SGK1: variants seen among roughly 807,000 people sequenced by gnomAD.
SGK1 encodes serum/glucocorticoid regulated kinase 1.
A neutral mutation model predicts 64.2 loss-of-function variants in SGK1; 26 were observed. That is an observed-to-expected ratio of 0.40 (90% confidence interval 0.30 to 0.56). The LOEUF (loss-of-function observed/expected upper bound fraction) is 0.56, where lower values mean the gene tolerates loss of function less well. Ranked by LOEUF, SGK1 falls within the 20% of genes least tolerant of loss-of-function variation. The pLI, the probability that SGK1 is intolerant of heterozygous loss-of-function variation, is 0.38. For missense variants in SGK1, 519 were observed against 645.6 expected (o/e 0.80, Z 2.12); for synonymous variants, 265 against 239.7 (o/e 1.11, Z -0.98).
intron 5 of SGK1, 59 bp downstream of exon 5, chr6:134,173,946 G>A (rs1582685044): frequency 4.3e-6 from 5 of 1,153,552 alleles, no homozygotes; most frequent in East Asian, 2.4e-5. Context: ...ATTAATGTAG[G>A]AATACTAACT....
intron 1 of SGK1, among the ~76,000 whole-genome samples, chr6:134,282,781 G>A (rs1014333324): frequency 2.6e-5 from 4 of 151,752 alleles, no homozygotes; most frequent in Non-Finnish European, 5.9e-5. Flanking sequence ...CAAGACTGCA[G>A]CCTAAGACTT....
intron 1 of SGK1, among the ~76,000 whole-genome samples, chr6:134,302,051 T>C (rs542188279): frequency 6.6e-6 from 1 of 152,304 alleles, no homozygotes; most frequent in African/African-American, 2.4e-5. Flanking sequence ...GAATGGGGAA[T>C]AATAAAGAGA....
chr6:134,285,456 C>G (rs151200445), intron 1 of SGK1, among the ~76,000 whole-genome samples: 2 of 136,852 alleles, frequency 1.5e-5, no homozygotes, highest in Non-Finnish European at 1.5e-5. Context: ...CCAGCCTGGG[C>G]GACAGAGTGA....
chr6:134,260,340 ACT>A lies in SGK1; in HGVS notation c.285+1591_285+1592del, dbSNP rs1433257909. ...ACTCAAGTCAGGGTTACAGAGCAAG[ACT>A]CTGTCCCCCTGTCTCCCTGTCCCCG... is the stretch of plus-strand genomic sequence containing the variant. On this transcript the variant is annotated intron_variant, in intron 2 of 13. Transcript: ENST00000367858. The A allele has an allele frequency of 5.4e-5, 8 of 147,108 alleles. No individual in the cohort carries two copies. The East Asian group carries it at 1.6e-3, about 29-fold the overall frequency. 9.1% of individuals were successfully genotyped at this position (147,108 alleles called of 1,614,324 possible).
chr6:134,226,677 G>C (rs757162909), intron 2 of SGK1, among the ~76,000 whole-genome samples: 1 of 150,796 alleles, frequency 6.6e-6, no homozygotes, highest in East Asian at 1.9e-4. Context: ...CTGGGTGACA[G>C]AGTGAGACCC....
intron 3 of SGK1, among the ~76,000 whole-genome samples, chr6:134,204,957 CTT>C (rs1562249737): frequency 6.9e-6 from 1 of 144,950 alleles, no homozygotes; most frequent in Non-Finnish European, 1.5e-5. Flanking sequence ...CCCTCCTTTT[CTT>C]TCTTTCTTTC....
chr6:134,192,839 G>A (rs1051704535), intron 3 of SGK1, among the ~76,000 whole-genome samples: 1 of 152,240 alleles, frequency 6.6e-6, no homozygotes, highest in African/African-American at 2.4e-5. Context: ...GATTACAGGC[G>A]GGAGCCACTG....
chr6:134,237,237 G>A (rs983985170), intron 2 of SGK1, among the ~76,000 whole-genome samples: 7 of 151,342 alleles, frequency 4.6e-5, no homozygotes, highest in East Asian at 3.9e-4. Flanking sequence ...TTGCATTTTT[G>A]GTAGAGACAG....
intron 3 of SGK1, among the ~76,000 whole-genome samples, chr6:134,180,044 C>T (rs1026963193): frequency 6.6e-6 from 1 of 152,178 alleles, no homozygotes; most frequent in African/African-American, 2.4e-5. Flanking sequence ...GCCTCAACCT[C>T]CTGGGTTCAA....
intron 1 of SGK1, among the ~76,000 whole-genome samples, chr6:134,286,248 C>G (rs1228698563): frequency 6.6e-6 from 1 of 152,106 alleles, no homozygotes; most frequent in East Asian, 1.9e-4. Flanking sequence ...GGCTGCGCCT[C>G]GTGGCTCATG....
At chr6:134,290,638 G>A (rs777610021) in intron 1 of SGK1, among the ~76,000 whole-genome samples, 1 of 152,124 alleles carries the variant, frequency 6.6e-6, no homozygotes, top group Non-Finnish European at 1.5e-5. Flanking sequence ...ATGGCAGGGC[G>A]CTGCAGCTCT....
rs1490412103 is a variant in SGK1 at position 134,261,977 on chromosome 6, G to GTTCCTCTCCTCCAA, written c.240_241insTTGGAGGAGAGGAA (p.Gln81LeufsTer21). ...TCCCATGAACATGACTCGTTCTCCTGAGGGAGAACCCCTCTTTGGAAAGCA... is the reference window on the plus strand; with the variant it reads ...TCCCATGAACATGACTCGTTCTCCTGTTCCTCTCCTCCAAAGGGAGAACCCCTCTTTGGAAAGCA... On this transcript the variant is annotated frameshift_variant, in exon 2 of 14. Coordinates refer to ENST00000367858, the MANE Select transcript of SGK1 (RefSeq NM_001143676.3). LOFTEE classifies it high-confidence loss of function. The GTTCCTCTCCTCCAA allele has an allele frequency of 6.2e-7, 1 of 1,613,462 alleles. No homozygotes were observed. The highest frequency in any genetic ancestry group is 8.5e-7 in the Non-Finnish European group (1 of 1,179,540).
chr6:134,172,486 T>C, intron 9 of SGK1, 170 bp from the exon 10 acceptor site: 1 of 807,194 alleles, frequency 1.2e-6, no homozygotes, highest in Non-Finnish European at 2.0e-6. Flanking sequence ...TTAGGCACAA[T>C]CCTACTTGGC....
chr6:134,305,174 AT>A (rs1777515642), intron 1 of SGK1, among the ~76,000 whole-genome samples: 2 of 152,030 alleles, frequency 1.3e-5, no homozygotes, highest in South Asian at 4.1e-4. Flanking sequence ...CCTGGTCAAC[AT>A]GGTGAAACCC....
chr6:134,239,668 T>C (rs995148144), intron 2 of SGK1, among the ~76,000 whole-genome samples: 6 of 152,244 alleles, frequency 3.9e-5, no homozygotes, highest in Non-Finnish European at 7.3e-5. Flanking sequence ...AGGTGGCCCC[T>C]GCATGTTGCT....
At position 134,291,252 on chromosome 6, in the gene SGK1, C is replaced by T. The variant is rs543798104; in HGVS notation, c.69+26140G>A. ...ATCAGGCCTCCTTACTGTAGCAGAG[C>T]GGTGGATGTAGGCATTAGTTACACA... On this transcript the variant is annotated intron_variant, in intron 1 of 13. Coordinates refer to ENST00000367858, the MANE Select transcript of SGK1 (RefSeq NM_001143676.3). Among the ~76,000 whole-genome samples, 9 of 152,166 alleles carry T rather than the reference C, an allele frequency of 5.9e-5. No individual in the cohort carries two copies. In the East Asian group the frequency reaches 9.7e-4, roughly 16 times the overall value.
intron 1 of SGK1, among the ~76,000 whole-genome samples, chr6:134,311,119 T>C (rs1174244878): frequency 6.6e-6 from 1 of 152,098 alleles, no homozygotes; most frequent in African/African-American, 2.4e-5. Flanking sequence ...TACATTTCAG[T>C]CTTAATTTAT....
At chr6:134,236,537 G>T (rs1582733726) in intron 2 of SGK1, among the ~76,000 whole-genome samples, 3 of 152,090 alleles carry the variant, frequency 2.0e-5, no homozygotes, top group Non-Finnish European at 4.4e-5. Flanking sequence ...TGAGATGGGA[G>T]GATCACCTGA....
intron 2 of SGK1, among the ~76,000 whole-genome samples, chr6:134,220,292 GA>G (rs1776069759): frequency 6.6e-6 from 1 of 152,038 alleles, no homozygotes; most frequent in South Asian, 2.1e-4. Context: ...GTGGCTAGAA[GA>G]TATTTAACAG....
Sources: gnomAD v4.1 joint callset for allele counts (sites outside exome capture counted in the v4.1 genomes callset) on GRCh38, gnomAD v4.1.1 for gene constraint, MANE v1.5 for transcripts, NCBI Gene and HGNC (gene_info 2026-07-23, HGNC 2026-07-21) for gene names.